The following FAT2 variants were observed in gnomAD, a reference collection of about 807,000 sequenced individuals.
FAT2 encodes the protein protocadherin Fat 2.
FAT2 carries 150 observed loss-of-function variants against 295.3 expected under a neutral mutation model. The observed-to-expected ratio is 0.51, with a 90% CI of 0.44 to 0.58. FAT2 has a LOEUF of 0.58. FAT2 is among the 20% of genes least tolerant of loss of function. The probability of loss-of-function intolerance (pLI) is 0.00; values close to 1 mark genes in which losing one functional copy is unlikely to be tolerated. For missense variants in FAT2, 4,868 were observed against 5,442.7 expected (o/e 0.89, Z 3.32); for synonymous variants, 2,026 against 2,150.3 (o/e 0.94, Z 1.60).
At position 151,512,957 on chromosome 5, in the gene FAT2, G is replaced by A. The variant is rs1185258593; in HGVS notation, c.11464-351C>T. Among the ~76,000 whole-genome samples the A allele has an allele frequency of 3.3e-5, 5 of 152,170 alleles. No homozygotes were observed. The highest frequency in any genetic ancestry group is 1.2e-4 in the African/African-American group (5 of 41,436). On this transcript the variant is annotated intron_variant, in intron 20 of 23. Transcript: ENST00000261800. This position sits in a 1 kb window ranked among gnomAD's most constrained non-coding sequence, Gnocchi z 4.1. ...ACACTTGTGAATATTGGCCTTCAGC[G>A]ATTTGAAAAACCTGTCTCCCACTCC...
At chr5:151,510,207 A>G (rs1561812033) in intron 21 of FAT2, 33 bp from the exon 22 acceptor site, 2 of 1,611,936 alleles carry the variant, frequency 1.2e-6, no homozygotes, top group African/African-American at 2.7e-5. Context: ...GAGAGACCGC[A>G]CTGGCCTAGC....
rs1280829664 is a variant in FAT2, at chr5:151,505,149, A to AACCT, written c.*412_*415dup. On this transcript the variant is annotated 3_prime_UTR_variant, in exon 24 of 24. Coordinates refer to ENST00000261800, the MANE Select transcript of FAT2 (RefSeq NM_001447.3). ...GCGTAGTGGTTGTCTGTCAGGCACC[A>AACCT]ACCTGCCTGCCTCCAAAATGGAGCT... 3.6e-6 allele frequency: 1 copy of AACCT among 278,454 alleles called. No homozygotes were observed. Among genetic ancestry groups the AACCT allele is most frequent in the Non-Finnish European group, 6.9e-6 (1 of 145,184 alleles). 17.2% of individuals were successfully genotyped at this position (278,454 alleles called of 1,614,324 possible).
At chr5:151,541,046 A>G (rs535943687) in intron 10 of FAT2, among the ~76,000 whole-genome samples, 2 of 152,356 alleles carry the variant, frequency 1.3e-5, no homozygotes, top group South Asian at 4.1e-4. Context: ...CCCAGAAGGC[A>G]TGGGAGGAAG....
Position 151,506,078 on chromosome 5 carries a change from C to T in FAT2, c.12537G>A (p.Met4179Ile). Residue 4179 changes from methionine to isoleucine, a missense_variant, in exon 24 of 24, where the codon ATG (methionine) becomes ATA (isoleucine). Met to Ile is a conservative substitution (Grantham distance 10, BLOSUM62 1). Coordinates refer to ENST00000261800, the MANE Select transcript of FAT2 (RefSeq NM_001447.3). ...TCCTGGAGTAAGTAGGGGGCCAGAC[C>T]ATGGCTCCGCCAGGGTACACTGAAA... ...SEEMVYPGGA[M>I]VWPPTYSRNE... 1 of 1,526,432 alleles carries T rather than the reference C, an allele frequency of 6.6e-7. No individual in the cohort carries two copies. Among genetic ancestry groups the T allele is most frequent in the East Asian group, 2.3e-5 (1 of 44,158 alleles). The allele number at this position is 1,526,432 out of a possible 1,614,324, so 94.6% of individuals were successfully genotyped here. A position where few individuals can be genotyped will look rare whatever the true frequency, so the allele number is the denominator to read the frequency against.
rs1758309793 is a variant in FAT2 at position 151,567,118 on chromosome 5, T to C, written c.1814A>G (p.Asn605Ser). The change falls in exon 2 of 24, where the codon AAT becomes AGT. Residue 605 changes from asparagine (N) to serine (S), a missense_variant. This residue lies in a region of FAT2 where 3,297 missense variants were observed against 3,669.4 expected (regional missense o/e 0.90). Transcript: ENST00000261800. ...ATTTAGATCAAAATACTCTAGTTCA[T>C]TGCCTGATACAATCTCGTATTTTAG... ...QNLKYEIVSG[N>S]ELEYFDLNHF... The C allele has an allele frequency of 6.2e-7, 1 of 1,614,192 alleles. No individual in the cohort carries two copies. Among genetic ancestry groups the C allele is most frequent in the East Asian group, 2.2e-5 (1 of 44,872 alleles).
chr5:151,521,463 C>T lies in FAT2; in HGVS notation c.11130G>A (p.Met3710Ile), dbSNP rs367882263. Reference sequence around the variant, plus strand: ...GCATCTGAACCCCCACTGAATGCTCCATCTCCTTGGCTGAGTGAGTGATGA... The same window carrying T: ...GCATCTGAACCCCCACTGAATGCTCTATCTCCTTGGCTGAGTGAGTGATGA... ...ASIITHSAKE[M>I]EHSVGVQMRS... The change falls in exon 19 of 24, where the codon ATG becomes ATA. Residue 3710 changes from methionine to isoleucine, a missense_variant. Transcript: ENST00000261800. 2.9e-5 allele frequency: 47 copies of T among 1,614,118 alleles called. No individual in the cohort carries two copies. The highest frequency in any genetic ancestry group is 4.0e-5 in the African/African-American group (3 of 74,940).
chr5:151,510,140 C>A lies in FAT2; in HGVS notation c.11940G>T (p.Gly3980=), dbSNP rs774459909. 6.2e-7 allele frequency: 1 copy of A among 1,614,126 alleles called. No homozygotes were observed. The highest frequency in any genetic ancestry group is 2.2e-5 in the East Asian group (1 of 44,878). ...YVCKCPPQFS[G]KHCEQGRENC... ...TCTCCCTTCCTTGTTCACAGTGCTT[C>A]CCAGAGAACTGTGGGGGACATTTGC... is the stretch of plus-strand genomic sequence containing the variant. The change falls in exon 22 of 24, where the codon GGG becomes GGT. Residue 3980 remains glycine (G), a synonymous_variant. Coordinates refer to ENST00000261800, the MANE Select transcript of FAT2 (RefSeq NM_001447.3).
chr5:151,559,815 C>T (rs954519205), intron 3 of FAT2, among the ~76,000 whole-genome samples: 2 of 152,076 alleles, frequency 1.3e-5, no homozygotes, highest in Non-Finnish European at 2.9e-5. Flanking sequence ...CATCCTCATC[C>T]TCCTCTCTGA....
Position 151,590,066 on chromosome 5 carries a change from C to A in FAT2, c.-21+1099G>T, listed in dbSNP as rs74359300. On this transcript the variant is annotated intron_variant, in intron 1 of 23. Transcript: ENST00000261800. ...TTCTCTTCCCACTCTGCCACACTGC[C>A]TGGATTTGAAACCTCAAAAATTTCA... 1.2e-4 allele frequency among the ~76,000 whole-genome samples: 19 copies of A among 152,324 alleles called. No individual in the cohort carries two copies. In the East Asian group the frequency reaches 3.3e-3, roughly 26 times the overall value.
At chr5:151,515,588 C>T (rs933842430) in intron 20 of FAT2, among the ~76,000 whole-genome samples, 1 of 152,214 alleles carries the variant, frequency 6.6e-6, no homozygotes, top group Non-Finnish European at 1.5e-5. Flanking sequence ...GCACAAACTC[C>T]ATTCTTCCAG....
In FAT2 at chr5:151,543,810, G is replaced by A; in HGVS notation, c.7317C>T (p.Phe2439=). The A allele has an allele frequency of 6.2e-7, 1 of 1,614,078 alleles. No homozygotes were observed. Among genetic ancestry groups the A allele is most frequent in the Non-Finnish European group, 8.5e-7 (1 of 1,180,008 alleles). Residue 2439 remains phenylalanine, a synonymous_variant, in exon 10 of 24, where the codon TTC becomes TTT. Transcript: ENST00000261800. ...INSSSGIISM[F]NLCKKHLDSS... ...AGTCCAGGTGCTTTTTGCAAAGGTTGAACATAGAAATTATTCCCGATGAGC... is the reference window on the plus strand; with the variant it reads ...AGTCCAGGTGCTTTTTGCAAAGGTTAAACATAGAAATTATTCCCGATGAGC...
chr5:151,545,344 A>C lies in FAT2; in HGVS notation c.5783T>G (p.Leu1928Arg). The change falls in exon 10 of 24, where the codon CTG (leucine) becomes CGG (arginine). Residue 1928 changes from leucine (L) to arginine (R), a missense_variant. Physicochemically the swap from Leu to Arg is moderately radical, Grantham distance 102. Transcript: ENST00000261800. ...IHPVTGSISV[L>R]NPAFLGLSRK... ...AGAGAGTCCCAGGAAAGCAGGATTC[A>C]GCACAGATATGCTACCAGTGACAGG... 1 of 1,614,190 alleles carries C rather than the reference A, an allele frequency of 6.2e-7. No homozygotes were observed. The highest frequency in any genetic ancestry group is 8.5e-7 in the Non-Finnish European group (1 of 1,180,036).
rs764156555 is a variant in FAT2, at chr5:151,510,156, G to A, written c.11924C>T (p.Pro3975Leu). 1 of 1,614,088 alleles carries A rather than the reference G, an allele frequency of 6.2e-7. No individual in the cohort carries two copies. The stretch of plus-strand genomic sequence containing the variant: ...ACAGTGCTTCCCAGAGAACTGTGGG[G>A]GACATTTGCAGACATAGCCTAGGAG... ...THGAGYVCKC[P>L]PQFSGKHCEQ... Residue 3975 changes from proline to leucine, a missense_variant, in exon 22 of 24, where the codon CCC (proline) becomes CTC (leucine). Physicochemically the swap from Pro to Leu is moderately conservative, Grantham distance 98 (BLOSUM62 -3). This residue lies in a region of FAT2 where 24 missense variants were observed against 53.3 expected (regional missense o/e 0.45). Transcript: ENST00000261800.
rs141033551 is a variant in FAT2 at position 151,507,185 on chromosome 5, G to A, written c.12486C>T (p.Val4162=). Residue 4162 remains valine, a synonymous_variant, in exon 23 of 24, where the codon GTC becomes GTT. Coordinates refer to ENST00000261800, the MANE Select transcript of FAT2 (RefSeq NM_001447.3). ...AVPSHSDNEP[V]IKRTWSSEEM... is the part of the protein sequence containing the mutation. ...CCTCGCTGGACCAGGTTCTCTTAATGACAGGCTCATTGTCAGAGTGGGAAG... is the reference window on the plus strand; with the variant it reads ...CCTCGCTGGACCAGGTTCTCTTAATAACAGGCTCATTGTCAGAGTGGGAAG... 2.0e-5 allele frequency: 32 copies of A among 1,602,006 alleles called. No individual in the cohort carries two copies. The East Asian group carries it at 4.2e-4, about 21-fold the overall frequency.
chr5:151,528,226 T>A, intron 15 of FAT2, 93 bp from the exon 16 acceptor site: 1 of 1,480,504 alleles, frequency 6.8e-7, no homozygotes, highest in Non-Finnish European at 9.2e-7. Context: ...CCCCAGTGAC[T>A]GCCTTTGGGC....
chr5:151,591,886 A>G (rs1489175053), upstream of FAT2, among the ~76,000 whole-genome samples: 1 of 152,240 alleles, frequency 6.6e-6, no homozygotes, highest in Non-Finnish European at 1.5e-5. Context: ...CTAAGAAACC[A>G]GTCAGGACTT....
At position 151,550,798 on chromosome 5, in the gene FAT2, A is replaced by T; in HGVS notation, c.4370T>A (p.Val1457Asp). Residue 1457 changes from valine to aspartate, a missense_variant, in exon 8 of 24, where the codon GTT becomes GAT. This residue lies in a region of FAT2 where 3,297 missense variants were observed against 3,669.4 expected (regional missense o/e 0.90). Transcript: ENST00000261800. ...TACCCCTGGCACGGTGTCCTGGGGAACTCTGACTTCATAACGAGTTTCCAG... is the reference window on the plus strand; with the variant it reads ...TACCCCTGGCACGGTGTCCTGGGGATCTCTGACTTCATAACGAGTTTCCAG... ...QFLETRYEVR[V>D]PQDTVPGVEL... The T allele has an allele frequency of 6.2e-7, 1 of 1,613,872 alleles. No individual in the cohort carries two copies. Among genetic ancestry groups the T allele is most frequent in the Non-Finnish European group, 8.5e-7 (1 of 1,179,980 alleles).
At chr5:151,577,356 G>A (rs908397204) in intron 1 of FAT2, among the ~76,000 whole-genome samples, 1 of 152,180 alleles carries the variant, frequency 6.6e-6, no homozygotes, top group Non-Finnish European at 1.5e-5. Context: ...TCTGCCAAAG[G>A]CATTCATTCA....
chr5:151,571,346 A>G (rs1758514818), intron 1 of FAT2, among the ~76,000 whole-genome samples: 1 of 151,946 alleles, frequency 6.6e-6, no homozygotes, highest in South Asian at 2.1e-4. Context: ...TCCCAGGTCC[A>G]CTGGCTCCAC....
Sources: allele counts gnomAD v4.1 joint callset (sites outside exome capture counted in the v4.1 genomes callset), GRCh38; gene constraint gnomAD v4.1.1; regional missense constraint gnomAD v4.1.1; non-coding constraint Gnocchi (gnomAD v3.1); transcripts MANE v1.5; gene names NCBI Gene and HGNC (gene_info 2026-07-23, HGNC 2026-07-21).